LRMDA: variants seen among roughly 807,000 people sequenced by gnomAD.
LRMDA encodes the protein leucine-rich melanocyte differentiation-associated protein.
LRMDA carries 18 observed loss-of-function variants against 29.8 expected under a neutral mutation model. That is an observed-to-expected ratio of 0.60 (90% CI 0.42 to 0.90). The LOEUF (loss-of-function observed/expected upper bound fraction) is 0.90. Ranked by LOEUF, LRMDA falls within the 40% of genes least tolerant of loss-of-function variation. The pLI is 0.00. For missense variants in LRMDA, 273 were observed against 273.9 expected, an observed-to-expected ratio of 1.00 and a Z score of 0.02; for synonymous variants, 125 against 109.4, an observed-to-expected ratio of 1.14 and a Z score of -0.89.
chr10:75,567,429 A>G (rs1840387627), intron 2 of LRMDA, among the ~76,000 whole-genome samples: 1 of 152,206 alleles, frequency 6.6e-6, no homozygotes, highest in Admixed American at 6.5e-5. Flanking sequence ...ACAGGGATGG[A>G]TAGTGACTAG....
chr10:76,098,695 C>T (rs1410202522), intron 5 of LRMDA, among the ~76,000 whole-genome samples: 1 of 152,108 alleles, frequency 6.6e-6, no homozygotes, highest in African/African-American at 2.4e-5. Context: ...GTTGCCTAGA[C>T]AGAGCCAATT....
At chr10:75,827,169 T>C (rs1224607206) in intron 2 of LRMDA, among the ~76,000 whole-genome samples, 2 of 152,190 alleles carry the variant, frequency 1.3e-5, no homozygotes, top group Non-Finnish European at 2.9e-5. Flanking sequence ...TTGTGCGTGC[T>C]CAGGGGACTG....
At chr10:75,588,805 A>G (rs1265198228) in intron 2 of LRMDA, among the ~76,000 whole-genome samples, 5 of 152,136 alleles carry the variant, frequency 3.3e-5, no homozygotes, top group Non-Finnish European at 4.4e-5. Context: ...AAAATTTTAT[A>G]TGTATAAGCA....
At chr10:75,618,355 ACT>A (rs753240055) in intron 2 of LRMDA, among the ~76,000 whole-genome samples, 3,314 of 131,616 alleles carry the variant, frequency 0.025, 48 homozygotes, top group African/African-American at 0.041. Context: ...TCTTTACCAG[ACT>A]CTCTCTCTCT....
chr10:76,232,355 TAGG>T (rs780191142), intron 5 of LRMDA, among the ~76,000 whole-genome samples: 2 of 152,182 alleles, frequency 1.3e-5, no homozygotes, highest in Non-Finnish European at 2.9e-5. Flanking sequence ...GACCAATTAA[TAGG>T]AGAAAGGACA....
intron 2 of LRMDA, among the ~76,000 whole-genome samples, chr10:75,717,436 G>A (rs1345578533): frequency 6.6e-6 from 1 of 152,224 alleles, no homozygotes; most frequent in South Asian, 2.1e-4. Context: ...CACATAAAAC[G>A]GAAGCTTGCC....
chr10:76,203,663 CA>C (rs1351210375), intron 5 of LRMDA, among the ~76,000 whole-genome samples: 2 of 151,924 alleles, frequency 1.3e-5, no homozygotes, highest in African/African-American at 4.8e-5. Context: ...TGTGCCCGTC[CA>C]CCCATCTCTA....
At chr10:76,441,008 C>T (rs963386580) in intron 6 of LRMDA, among the ~76,000 whole-genome samples, 3 of 152,118 alleles carry the variant, frequency 2.0e-5, no homozygotes, top group African/African-American at 4.8e-5. Flanking sequence ...TCATAATAAA[C>T]CAACCTAAGA....
chr10:75,582,410 T>G (rs1252232359), intron 2 of LRMDA, among the ~76,000 whole-genome samples: 1 of 152,218 alleles, frequency 6.6e-6, no homozygotes, highest in Non-Finnish European at 1.5e-5. Context: ...CTGCCAAGGC[T>G]TATGGCTTGC....
At chr10:75,700,470 C>T (rs1055788883) in intron 2 of LRMDA, among the ~76,000 whole-genome samples, 2 of 143,990 alleles carry the variant, frequency 1.4e-5, no homozygotes, top group African/African-American at 5.2e-5. Flanking sequence ...GAGTCTCGCT[C>T]TGTCGCCTAG....
chr10:75,911,046 C>T (rs1395381878), intron 2 of LRMDA, among the ~76,000 whole-genome samples: 1 of 151,814 alleles, frequency 6.6e-6, no homozygotes, highest in Non-Finnish European at 1.5e-5. Flanking sequence ...TTATTCTTTA[C>T]TGTGTGCTGG....
rs376071517 is a variant in LRMDA at position 76,062,656 on chromosome 10, C to CTGTG, written c.516+3911_516+3914dup. On this transcript the variant is annotated intron_variant, in intron 5 of 6. Transcript: ENST00000611255. ...ATGGATGCTTCCAGACTTTATCTCT[C>CTGTG]TGTGTGTGTGTGTGTGTGTGTGTGT... 2.1e-3 allele frequency among the ~76,000 whole-genome samples: 289 copies of CTGTG among 139,276 alleles called. 1 individual carries two copies. The highest frequency in any genetic ancestry group is 2.6e-3 in the South Asian group (11 of 4,260). The allele number at this position is 139,276 out of a possible 152,430, so 91.4% of individuals were successfully genotyped here.
intron 5 of LRMDA, among the ~76,000 whole-genome samples, chr10:76,292,787 G>T (rs766531140): frequency 3.9e-5 from 6 of 151,960 alleles, no homozygotes; most frequent in Middle Eastern, 3.4e-3. Context: ...CAATTGGCTT[G>T]TAGATTGGAC....
chr10:76,120,973 C>G (rs1347335578), intron 5 of LRMDA, among the ~76,000 whole-genome samples: 2 of 152,034 alleles, frequency 1.3e-5, no homozygotes, highest in African/African-American at 4.8e-5. Flanking sequence ...GCTGGGACTA[C>G]AGGTGCCCGC....
intron 2 of LRMDA, among the ~76,000 whole-genome samples, chr10:75,500,545 A>C (rs1010920216): frequency 6.6e-6 from 1 of 152,304 alleles, no homozygotes; most frequent in South Asian, 2.1e-4. Context: ...ATACTTAGTA[A>C]TCTGAGTATA....
intron 2 of LRMDA, among the ~76,000 whole-genome samples, chr10:75,937,512 GGTGC>G (rs1269478183): frequency 6.6e-6 from 1 of 152,188 alleles, no homozygotes; most frequent in Non-Finnish European, 1.5e-5. Context: ...AAGTAAAGCA[GGTGC>G]TGTGTTTGAA....
chr10:76,378,472 A>G (rs1438270297), intron 6 of LRMDA, among the ~76,000 whole-genome samples: 1 of 152,178 alleles, frequency 6.6e-6, no homozygotes, highest in Non-Finnish European at 1.5e-5. Flanking sequence ...CTTAGGGGGA[A>G]TGCTTTCAAT....
intron 3 of LRMDA, among the ~76,000 whole-genome samples, chr10:76,045,569 C>T (rs1848425149): frequency 6.6e-6 from 1 of 151,978 alleles, no homozygotes; most frequent in African/African-American, 2.4e-5. Flanking sequence ...TAGCATTTGG[C>T]CTTGCATATG....
At chr10:76,509,707 C>T (rs898753560) in intron 6 of LRMDA, among the ~76,000 whole-genome samples, 5 of 152,202 alleles carry the variant, frequency 3.3e-5, no homozygotes, top group African/African-American at 1.2e-4. Context: ...GAGAGGCTGT[C>T]TGTGTGAAGG....
Sources: allele counts gnomAD v4.1 joint callset (sites outside exome capture counted in the v4.1 genomes callset), GRCh38; gene constraint gnomAD v4.1.1; transcripts MANE v1.5; gene names NCBI Gene and HGNC (gene_info 2026-07-23, HGNC 2026-07-21).